PDE1A: variants seen among roughly 807,000 people sequenced by gnomAD.
PDE1A encodes the protein phosphodiesterase 1A.
PDE1A carries 35 observed loss-of-function variants against 61.7 expected under a neutral mutation model. That is an observed-to-expected ratio of 0.57 (90% confidence interval 0.43 to 0.75). The LOEUF is 0.75. Ranked by LOEUF, PDE1A falls within the 30% of genes least tolerant of loss-of-function variation. PDE1A has a pLI of 0.00. For missense variants in PDE1A, 597 were observed against 630.6 expected (o/e 0.95, Z 0.57); for synonymous variants, 232 against 213.2 (o/e 1.09, Z -0.77).
At chr2:182,279,754 C>A (rs1693678860) in intron 1 of PDE1A, among the ~76,000 whole-genome samples, 1 of 151,804 alleles carries the variant, frequency 6.6e-6, no homozygotes, top group South Asian at 2.1e-4. Flanking sequence ...TTTCTCTCTA[C>A]CTATCTCTGA....
chr2:182,295,563 A>AAG (rs1694830178), intron 1 of PDE1A, among the ~76,000 whole-genome samples: 3 of 152,172 alleles, frequency 2.0e-5, no homozygotes, highest in Admixed American at 6.5e-5. Context: ...CCAGGCCCTG[A>AAG]ATGGTATCTA....
intron 6 of PDE1A, among the ~76,000 whole-genome samples, chr2:182,229,513 C>T (rs1689400720): frequency 6.6e-6 from 1 of 152,092 alleles, no homozygotes; most frequent in African/African-American, 2.4e-5. Flanking sequence ...TTCACTGATT[C>T]ATCAAATGCA....
Position 182,223,884 on chromosome 2 carries a change from GTTTGT to G in PDE1A, c.751_755del (p.Thr251GlnfsTer15). 6.3e-7 allele frequency: 1 copy of G among 1,585,656 alleles called. No homozygotes were observed. Among genetic ancestry groups the G allele is most frequent in the Non-Finnish European group, 8.6e-7 (1 of 1,167,932 alleles). On this transcript the variant is annotated frameshift_variant, in exon 7 of 14. Transcript: ENST00000351439. LOFTEE classifies it high-confidence loss of function. ...CTTACCTTGTCTGAATGTGAAAGTT[GTTTGT>G]TGTCCCTGTATGCTCATAATCATGA...
exon 14 of PDE1A, chr2:182,168,243 G>C: frequency 6.3e-7 from 1 of 1,589,878 alleles, no homozygotes; most frequent in African/African-American, 1.4e-5. Context: ...TTACTTAAAG[G>C]TGTTTACTGA....
At chr2:182,548,607 G>T in the PDE1A span, among the ~76,000 whole-genome samples, 1 of 152,224 alleles carries the variant, frequency 6.6e-6, no homozygotes, top group Non-Finnish European at 1.5e-5. Context: ...TTTAAATAAG[G>T]AGGCTAGAGC....
chr2:182,321,102 T>A (rs1163719579), intron 1 of PDE1A, among the ~76,000 whole-genome samples: 1 of 152,084 alleles, frequency 6.6e-6, no homozygotes, highest in Non-Finnish European at 1.5e-5. Flanking sequence ...TAATGACTTG[T>A]GAGTGACTGT....
At chr2:182,167,678 G>T (rs1425960276), downstream of PDE1A, among the ~76,000 whole-genome samples, 2 of 152,022 alleles carry the variant, frequency 1.3e-5, no homozygotes, top group Non-Finnish European at 2.9e-5. Context: ...AACTGATATT[G>T]CCAGTAAAAC....
chr2:182,240,441 T>A (rs1473830992), intron 2 of PDE1A, 149 bp from the exon 3 acceptor site: 7 of 484,234 alleles, frequency 1.4e-5, no homozygotes, highest in South Asian at 5.8e-5. Flanking sequence ...AGAAAAAAAA[T>A]TCATTAACAT....
At chr2:182,612,792 C>T in the PDE1A span, among the ~76,000 whole-genome samples, 2 of 152,090 alleles carry the variant, frequency 1.3e-5, no homozygotes, top group African/African-American at 4.8e-5. Flanking sequence ...ATATTTAGAT[C>T]GAAATTAAAT....
chr2:182,692,294 G>C, the PDE1A span, among the ~76,000 whole-genome samples: 1 of 152,120 alleles, frequency 6.6e-6, no homozygotes, highest in African/African-American at 2.4e-5. Context: ...TGATAGACTA[G>C]ATTAAGAAAA....
At chr2:182,569,774 T>G in the PDE1A span, among the ~76,000 whole-genome samples, 15,998 of 152,222 alleles carry the variant, frequency 0.11, 2,738 homozygotes, top group African/African-American at 0.36. Context: ...TTCTGCCATT[T>G]TTATTTGAAT....
At chr2:182,487,908 A>G (rs1688119345) in intron 2 of PDE1A, among the ~76,000 whole-genome samples, 1 of 152,206 alleles carries the variant, frequency 6.6e-6, no homozygotes, top group Admixed American at 6.5e-5. Flanking sequence ...ACTCATGCAT[A>G]ATATGTTCAA....
intron 1 of PDE1A, among the ~76,000 whole-genome samples, chr2:182,277,380 C>A (rs1007899625): frequency 6.6e-6 from 1 of 152,046 alleles, no homozygotes; most frequent in African/African-American, 2.4e-5. Flanking sequence ...TGAAATATTG[C>A]GGGCGGGTTC....
the PDE1A span, among the ~76,000 whole-genome samples, chr2:182,589,006 GC>G: frequency 1.3e-5 from 2 of 150,186 alleles, no homozygotes; most frequent in African/African-American, 4.9e-5. Flanking sequence ...TGGCACCATT[GC>G]ACTCCAGCCT....
At chr2:182,328,563 C>A (rs556313741) in intron 1 of PDE1A, among the ~76,000 whole-genome samples, 8 of 151,878 alleles carry the variant, frequency 5.3e-5, no homozygotes, top group Non-Finnish European at 1.2e-4. Flanking sequence ...AGTTGGAATA[C>A]GAGAGGGAGG....
At chr2:182,243,558 G>C (rs548622793) in intron 2 of PDE1A, among the ~76,000 whole-genome samples, 5 of 152,178 alleles carry the variant, frequency 3.3e-5, no homozygotes, top group Non-Finnish European at 5.9e-5. Context: ...ATAGGTATAA[G>C]TAAGCTAATA....
intron 2 of PDE1A, among the ~76,000 whole-genome samples, chr2:182,448,251 T>G (rs1574679983): frequency 6.6e-6 from 1 of 152,254 alleles, no homozygotes; most frequent in East Asian, 1.9e-4. Flanking sequence ...CACTCCTTTC[T>G]TCTTTATTTT....
chr2:182,428,770 A>G (rs905172456), upstream of PDE1A, among the ~76,000 whole-genome samples: 4 of 152,174 alleles, frequency 2.6e-5, no homozygotes, highest in African/African-American at 9.6e-5. Flanking sequence ...CCATTAATAT[A>G]GCATAAATCT....
the PDE1A span, among the ~76,000 whole-genome samples, chr2:182,697,031 T>C: frequency 2.0e-3 from 312 of 152,334 alleles, 2 homozygotes; most frequent in African/African-American, 7.3e-3. Context: ...AAATGTTACA[T>C]ATAAGCTTAT....
Sources: allele counts gnomAD v4.1 joint callset (sites outside exome capture counted in the v4.1 genomes callset), GRCh38; gene constraint gnomAD v4.1.1; transcripts MANE v1.5; gene names NCBI Gene and HGNC (gene_info 2026-07-23, HGNC 2026-07-21).